Variants in DGKG observed in about 807,000 individuals in gnomAD.
DGKG encodes DAG kinase gamma.
Under a neutral mutation model 105.3 loss-of-function variants are expected in DGKG, and 78 were observed. That is an observed-to-expected ratio of 0.74 (90% CI 0.62 to 0.89). The LOEUF (loss-of-function observed/expected upper bound fraction) is 0.89. Ranked by LOEUF, DGKG falls within the 40% of genes least tolerant of loss-of-function variation. The probability of loss-of-function intolerance (pLI) is 0.00; values close to 1 mark genes in which losing one functional copy is unlikely to be tolerated. For synonymous variants in DGKG, 346 were observed against 367.1 expected (o/e 0.94, Z 0.66); for missense variants, 958 against 1,020.1 (o/e 0.94, Z 0.83).
intron 1 of DGKG, among the ~76,000 whole-genome samples, chr3:186,340,634 C>T (rs1726045808): frequency 6.6e-6 from 1 of 152,166 alleles, no homozygotes; most frequent in Non-Finnish European, 1.5e-5. Flanking sequence ...TAACCACTTG[C>T]TAGATGTAAC....
intron 22 of DGKG, among the ~76,000 whole-genome samples, chr3:186,185,207 T>G (rs1398012147): frequency 6.6e-6 from 1 of 152,156 alleles, no homozygotes; most frequent in Non-Finnish European, 1.5e-5. Context: ...CAACTCAACT[T>G]ACATGAGATC....
chr3:186,293,384 A>G (rs1723400228), intron 5 of DGKG, among the ~76,000 whole-genome samples: 1 of 152,208 alleles, frequency 6.6e-6, no homozygotes, highest in Non-Finnish European at 1.5e-5. Flanking sequence ...ATAATTTGGA[A>G]AAACTAACAC....
chr3:186,357,945 A>C (rs1404723376), intron 1 of DGKG, among the ~76,000 whole-genome samples: 8 of 152,274 alleles, frequency 5.3e-5, no homozygotes, highest in Non-Finnish European at 1.2e-4. Context: ...ACTGAATTTT[A>C]AATTTCATTT....
At chr3:186,218,736 C>G (rs1001853881) in intron 20 of DGKG, among the ~76,000 whole-genome samples, 3 of 152,034 alleles carry the variant, frequency 2.0e-5, no homozygotes, top group Admixed American at 1.3e-4. Flanking sequence ...TTGGAATTGG[C>G]AACTAATTCA....
intron 24 of DGKG, among the ~76,000 whole-genome samples, chr3:186,154,824 T>C (rs891990172): frequency 5.3e-5 from 8 of 152,146 alleles, no homozygotes; most frequent in African/African-American, 1.9e-4. Context: ...CCTTGGAACT[T>C]GTTAGAAATG....
chr3:186,177,912 C>T (rs1366084921), intron 22 of DGKG, among the ~76,000 whole-genome samples: 1 of 152,166 alleles, frequency 6.6e-6, no homozygotes, highest in East Asian at 1.9e-4. Context: ...CCCCCATATT[C>T]ATATGTTGAA....
chr3:186,297,920 A>G, intron 4 of DGKG, 144 bp downstream of exon 4: 1 of 892,254 alleles, frequency 1.1e-6, no homozygotes, highest in Non-Finnish European at 1.7e-6. Context: ...CACTATGAGG[A>G]AAGGCGTCCC....
intron 21 of DGKG, among the ~76,000 whole-genome samples, chr3:186,200,349 G>T (rs144585302): frequency 1.3e-5 from 2 of 152,284 alleles, no homozygotes; most frequent in African/African-American, 4.8e-5. Context: ...TCCAAGTATT[G>T]TTCTAAGTGC....
chr3:186,359,543 T>C (rs553527148), intron 1 of DGKG, among the ~76,000 whole-genome samples: 233 of 152,290 alleles, frequency 1.5e-3, no homozygotes, highest in Non-Finnish European at 2.7e-3. Context: ...ACTAGCTATG[T>C]AACTTGGGCA....
chr3:186,253,840 T>C lies in DGKG; in HGVS notation c.1511-658A>G, dbSNP rs561167894. On this transcript the variant is annotated intron_variant, in intron 17 of 24. Transcript: ENST00000265022. ...TAGGACACTAGGGAATAGTGGGACA[T>C]TGGACAAGCTGAAGATGCTCACCTT... 3.3e-5 allele frequency among the ~76,000 whole-genome samples: 5 copies of C among 152,228 alleles called. No individual in the cohort carries two copies. In the East Asian group the frequency reaches 7.7e-4, roughly 23 times the overall value.
chr3:186,335,345 T>C lies in DGKG; in HGVS notation c.-248-14638A>G, dbSNP rs1016130218. Among the ~76,000 whole-genome samples the C allele has an allele frequency of 1.7e-4, 26 of 152,216 alleles. 1 individual carries two copies. The highest frequency in any genetic ancestry group is 1.3e-4 in the Non-Finnish European group (9 of 68,034). On this transcript the variant is annotated intron_variant, in intron 1 of 24. Transcript: ENST00000265022. ...CTGCCTTGGCCTAAGCAGTCAGTTC[T>C]ACTCTCTATGCTTCAAGTTTCTCAT...
chr3:186,249,522 TTC>T (rs1721105589), intron 19 of DGKG, among the ~76,000 whole-genome samples: 1 of 152,172 alleles, frequency 6.6e-6, no homozygotes, highest in Admixed American at 6.5e-5. Flanking sequence ...TCTCCCATGG[TTC>T]TCTATTTAGC....
intron 2 of DGKG, among the ~76,000 whole-genome samples, chr3:186,308,878 A>C (rs886500414): frequency 6.6e-5 from 10 of 152,208 alleles, no homozygotes; most frequent in African/African-American, 2.2e-4. Context: ...CTTCACCTGC[A>C]TAGTCTCATA....
At chr3:186,214,685 C>T (rs1477753568) in intron 20 of DGKG, among the ~76,000 whole-genome samples, 2 of 152,170 alleles carry the variant, frequency 1.3e-5, no homozygotes, top group African/African-American at 2.4e-5. Context: ...CAAAGCGATG[C>T]TAATTGCTAA....
chr3:186,176,630 C>A (rs531927957), intron 22 of DGKG, among the ~76,000 whole-genome samples: 38 of 152,268 alleles, frequency 2.5e-4, no homozygotes, highest in East Asian at 1.5e-3. Context: ...CCCAGATCCA[C>A]CAGCTAACGC....
chr3:186,304,511 G>A (rs1724132831), intron 3 of DGKG, among the ~76,000 whole-genome samples: 1 of 152,182 alleles, frequency 6.6e-6, no homozygotes, highest in African/African-American at 2.4e-5. Flanking sequence ...GGATGACAAC[G>A]TGAATAAGAA....
In DGKG at chr3:186,302,644, A is replaced by ATC. The variant is rs1345777882; in HGVS notation, c.144+4256_144+4257insGA. On this transcript the variant is annotated intron_variant, in intron 3 of 24. Coordinates refer to ENST00000265022, the MANE Select transcript of DGKG (RefSeq NM_001346.3). ...TACCTATATCTATATCTATATCTAT[A>ATC]TATCTATATATCTTGAGCCTCTTAA... 2.7e-3 allele frequency among the ~76,000 whole-genome samples: 409 copies of ATC among 149,862 alleles called. 5 individuals carry two copies. The highest frequency in any genetic ancestry group is 9.7e-3 in the African/African-American group (396 of 40,962).
In DGKG at chr3:186,188,211, A is replaced by T; in HGVS notation, c.2086T>A (p.Cys696Ser). The change falls in exon 22 of 25, where the codon TGC (cysteine) becomes AGC (serine). Residue 696 changes from cysteine to serine, a missense_variant. Cys to Ser is a moderately radical substitution (Grantham distance 112). Coordinates refer to ENST00000265022, the MANE Select transcript of DGKG (RefSeq NM_001346.3). ...CTCATTCCTGGCTTACCTTGAACGC[A>T]GAATTTCAGTTCTTTGGGGTCAGTG... ...GVTDPKELKF[C>S]VQDLSDQLLE... 1 of 1,614,198 alleles carries T rather than the reference A, an allele frequency of 6.2e-7. No individual in the cohort carries two copies. The highest frequency in any genetic ancestry group is 8.5e-7 in the Non-Finnish European group (1 of 1,180,030).
chr3:186,235,268 A>T (rs1284979673), intron 20 of DGKG, among the ~76,000 whole-genome samples: 3 of 152,204 alleles, frequency 2.0e-5, no homozygotes, highest in Non-Finnish European at 4.4e-5. Context: ...AACACAGAAA[A>T]TCCCACAATT....
Sources: gnomAD v4.1 joint callset for allele counts (sites outside exome capture counted in the v4.1 genomes callset) on GRCh38, gnomAD v4.1.1 for gene constraint, MANE v1.5 for transcripts, NCBI Gene and HGNC (gene_info 2026-07-23, HGNC 2026-07-21) for gene names.